Variants in KIF6 observed in about 807,000 individuals in gnomAD.
KIF6 encodes kinesin-like protein KIF6.
In KIF6, 106 loss-of-function variants were observed where a neutral mutation model predicts 112.7. The observed-to-expected ratio is 0.94, with a 90% CI of 0.80 to 1.11. KIF6 has a LOEUF of 1.11. Among genes scored for constraint, KIF6 ranks in the 50% least tolerant of loss-of-function variants. KIF6 has a pLI of 0.00. For synonymous variants in KIF6, 339 were observed against 339.9 expected, an observed-to-expected ratio of 1.00 and a Z score of 0.03; for missense variants, 929 against 964.0, an observed-to-expected ratio of 0.96 and a Z score of 0.48.
At chr6:39,593,570 G>C (rs1317168762) in intron 7 of KIF6, among the ~76,000 whole-genome samples, 2 of 152,140 alleles carry the variant, frequency 1.3e-5, no homozygotes, top group Non-Finnish European at 2.9e-5. Flanking sequence ...GAAGACACTT[G>C]TGTATCAGTG....
At chr6:39,523,375 T>C (rs1291307355) in intron 13 of KIF6, among the ~76,000 whole-genome samples, 1 of 152,096 alleles carries the variant, frequency 6.6e-6, no homozygotes, top group East Asian at 1.9e-4. Flanking sequence ...GCTACTTTTC[T>C]GTTAAAAAGC....
chr6:39,392,557 G>A (rs1346359822), intron 15 of KIF6, among the ~76,000 whole-genome samples: 2 of 152,138 alleles, frequency 1.3e-5, no homozygotes, highest in African/African-American at 4.8e-5. Context: ...TGACAAATAG[G>A]TATAAATGAT....
At chr6:39,573,968 T>C (rs1166279204) in intron 10 of KIF6, among the ~76,000 whole-genome samples, 1 of 152,176 alleles carries the variant, frequency 6.6e-6, no homozygotes, top group Non-Finnish European at 1.5e-5. Flanking sequence ...AATAAACTAA[T>C]TGCACAAAAA....
At chr6:39,702,584 T>A (rs537010761) in intron 3 of KIF6, among the ~76,000 whole-genome samples, 3 of 152,366 alleles carry the variant, frequency 2.0e-5, no homozygotes, top group African/African-American at 7.2e-5. Flanking sequence ...ATTGGACTAA[T>A]TTTGGTAAAC....
At chr6:39,601,979 A>AATCCAAGT (rs1782601444) in intron 6 of KIF6, among the ~76,000 whole-genome samples, 1 of 152,144 alleles carries the variant, frequency 6.6e-6, no homozygotes, top group Non-Finnish European at 1.5e-5. Context: ...AATTGACTTC[A>AATCCAAGT]ATCCAAGTAC....
At position 39,703,087 on chromosome 6, in the gene KIF6, C is replaced by CACCA. The variant is rs1554151207; in HGVS notation, c.251+11604_251+11605insTGGT. On this transcript the variant is annotated intron_variant, in intron 3 of 22. Coordinates refer to ENST00000287152, the MANE Select transcript of KIF6 (RefSeq NM_145027.6). ...ACAAAATCCACCAACCCCCCACCCC[C>CACCA]ACTCCCGGCCACCAAGACAAAACAA... Among the ~76,000 whole-genome samples the CACCA allele has an allele frequency of 2.1e-3, 159 of 76,578 alleles. 5 individuals carry two copies. Among genetic ancestry groups the CACCA allele is most frequent in the Middle Eastern group, 7.5e-3 (1 of 134 alleles). 50.2% of individuals were successfully genotyped at this position (76,578 alleles called of 152,430 possible).
intron 6 of KIF6, among the ~76,000 whole-genome samples, chr6:39,599,897 T>G (rs766899442): frequency 6.6e-6 from 1 of 152,176 alleles, no homozygotes; most frequent in Non-Finnish European, 1.5e-5. Context: ...TAAACTAAAA[T>G]TGTATATTCT....
At chr6:39,491,859 T>C (rs1472396997) in intron 13 of KIF6, among the ~76,000 whole-genome samples, 2 of 152,160 alleles carry the variant, frequency 1.3e-5, no homozygotes, top group African/African-American at 4.8e-5. Flanking sequence ...AACTCAAAGA[T>C]GTAGCTAGGG....
At chr6:39,599,469 T>A (rs1022855874) in intron 6 of KIF6, among the ~76,000 whole-genome samples, 2 of 152,230 alleles carry the variant, frequency 1.3e-5, no homozygotes, top group Admixed American at 6.5e-5. Context: ...GTTTTGGTGA[T>A]GATGATGTAG....
At chr6:39,691,685 G>C (rs771694517) in intron 3 of KIF6, 2 of 152,140 alleles carry the variant, frequency 1.3e-5, no homozygotes, top group East Asian at 1.9e-4. Flanking sequence ...TAAGTAAAAG[G>C]CATCATTAAG....
intron 13 of KIF6, among the ~76,000 whole-genome samples, chr6:39,479,956 G>C (rs2150455215): frequency 6.6e-6 from 1 of 152,204 alleles, no homozygotes; most frequent in Non-Finnish European, 1.5e-5. Context: ...TTATGGGGGA[G>C]TCTTTAGGTT....
chr6:39,464,982 G>A (rs948981005), intron 13 of KIF6, among the ~76,000 whole-genome samples: 3 of 152,218 alleles, frequency 2.0e-5, no homozygotes, highest in Admixed American at 2.0e-4. Context: ...GCAAACAGTT[G>A]AACAGGAGCT....
intron 15 of KIF6, among the ~76,000 whole-genome samples, chr6:39,415,968 C>T (rs543847001): frequency 1.3e-5 from 2 of 152,332 alleles, no homozygotes; most frequent in South Asian, 4.1e-4. Flanking sequence ...TCTTCTATTA[C>T]ATTCCCCGTG....
At chr6:39,522,776 AG>A (rs774133917) in intron 13 of KIF6, among the ~76,000 whole-genome samples, 5 of 152,148 alleles carry the variant, frequency 3.3e-5, no homozygotes, top group Non-Finnish European at 7.3e-5. Flanking sequence ...TGCCTTTCAC[AG>A]TTCTCCTTTG....
chr6:39,350,598 C>A (rs966793634), intron 19 of KIF6, among the ~76,000 whole-genome samples: 1 of 152,088 alleles, frequency 6.6e-6, no homozygotes, highest in Admixed American at 6.5e-5. Flanking sequence ...CCCTTGGGAA[C>A]GTGGGAATGC....
intron 16 of KIF6, among the ~76,000 whole-genome samples, chr6:39,373,290 G>GT (rs532631594): frequency 3.3e-5 from 5 of 152,192 alleles, no homozygotes; most frequent in Non-Finnish European, 5.9e-5. Flanking sequence ...ATGTGATTGC[G>GT]TTTTTTTGCA....
chr6:39,478,285 A>G (rs564974036), intron 13 of KIF6, among the ~76,000 whole-genome samples: 1 of 152,328 alleles, frequency 6.6e-6, no homozygotes, highest in African/African-American at 2.4e-5. Context: ...ATGAGTGAGA[A>G]CATATGATGT....
At chr6:39,511,180 C>T (rs1043446549) in intron 13 of KIF6, among the ~76,000 whole-genome samples, 1 of 152,080 alleles carries the variant, frequency 6.6e-6, no homozygotes, top group African/African-American at 2.4e-5. Context: ...CAAGGATATC[C>T]AGGACTTGAC....
intron 16 of KIF6, among the ~76,000 whole-genome samples, chr6:39,364,510 T>C (rs1765416397): frequency 6.6e-6 from 1 of 152,198 alleles, no homozygotes; most frequent in African/African-American, 2.4e-5. Context: ...GTGTGAAGGC[T>C]AGGTCTTGAC....
Sources: allele counts gnomAD v4.1 joint callset (sites outside exome capture counted in the v4.1 genomes callset), GRCh38; gene constraint gnomAD v4.1.1; transcripts MANE v1.5; gene names NCBI Gene and HGNC (gene_info 2026-07-23, HGNC 2026-07-21).